LGALS3: variants seen among roughly 807,000 people sequenced by gnomAD.
The protein encoded by LGALS3 is galectin-3.
In LGALS3, 18 loss-of-function variants were observed where a neutral mutation model predicts 20.7. That is an observed-to-expected ratio of 0.87 (90% CI 0.60 to 1.29). The LOEUF is 1.29. LGALS3 is among the 50% of genes most tolerant of loss of function. LGALS3 has a pLI of 0.00. For synonymous variants in LGALS3, 112 were observed against 119.6 expected, an observed-to-expected ratio of 0.94 and a Z score of 0.42; for missense variants, 315 against 314.7, an observed-to-expected ratio of 1.00 and a Z score of -0.01.
At chr14:55,143,414 T>A (rs1003800526) in intron 5 of LGALS3, 4 of 376,702 alleles carry the variant, frequency 1.1e-5, no homozygotes, top group African/African-American at 8.9e-5. Context: ...AGAATATTGT[T>A]ACTTAATAGC....
chr14:55,144,979 G>A, intron 5 of LGALS3, 137 bp from the exon 6 acceptor site: 1 of 680,818 alleles, frequency 1.5e-6, no homozygotes, highest in South Asian at 1.9e-5. Context: ...GAAATTAATG[G>A]ACATTTTTTC....
chr14:55,138,392 T>G (rs750787326), intron 3 of LGALS3, 24 bp downstream of exon 3: 1 of 1,611,504 alleles, frequency 6.2e-7, no homozygotes, highest in Non-Finnish European at 8.5e-7. Flanking sequence ...CCTTCTTTCA[T>G]GTACTTGACA....
At chr14:55,130,090 G>T (rs1329816628) in intron 1 of LGALS3, among the ~76,000 whole-genome samples, 1 of 152,226 alleles carries the variant, frequency 6.6e-6, no homozygotes, top group Non-Finnish European at 1.5e-5. Flanking sequence ...GCCCCTCCCT[G>T]CCCAGACTGT....
chr14:55,141,292 T>C (rs368243982), intron 4 of LGALS3, among the ~76,000 whole-genome samples: 1 of 152,182 alleles, frequency 6.6e-6, no homozygotes, highest in Admixed American at 6.6e-5. Flanking sequence ...AGCACAGAAC[T>C]TCCCCGTACA....
chr14:55,133,322 A>G (rs954520580), intron 1 of LGALS3, among the ~76,000 whole-genome samples: 1 of 152,314 alleles, frequency 6.6e-6, no homozygotes, highest in Admixed American at 6.5e-5. Flanking sequence ...CCTTATGGTG[A>G]GAACACAGTA....
In LGALS3 at chr14:55,145,302, G is replaced by C. The variant is rs1052002263; in HGVS notation, c.*31G>C. ...AAGGGGCAGATTAAAAAAAAAAAAA[G>C]AATCTAAACCTTACATGTGTAAAGG... On this transcript the variant is annotated 3_prime_UTR_variant, in exon 6 of 6. Coordinates refer to ENST00000254301, the MANE Select transcript of LGALS3 (RefSeq NM_002306.4). 2 of 1,542,726 alleles carry C rather than the reference G, an allele frequency of 1.3e-6. No individual in the cohort carries two copies. Among genetic ancestry groups the C allele is most frequent in the Middle Eastern group, 1.7e-4 (1 of 5,722 alleles).
Position 55,139,514 on chromosome 14 carries a change from AC to A in LGALS3, c.343-760del, listed in dbSNP as rs1881543370. ...GGTGGCTCATGCCTGTAATCCCACC[AC>A]TGTGGGAGGCTGAGGCAGGAGGATC... is the stretch of plus-strand genomic sequence containing the variant. On this transcript the variant is annotated intron_variant, in intron 3 of 5. Coordinates refer to ENST00000254301, the MANE Select transcript of LGALS3 (RefSeq NM_002306.4). Among the ~76,000 whole-genome samples the A allele has an allele frequency of 3.9e-5, 6 of 152,280 alleles. 1 individual carries two copies. In the South Asian group the frequency reaches 1.2e-3, roughly 32 times the overall value.
intron 5 of LGALS3, among the ~76,000 whole-genome samples, chr14:55,143,217 G>A (rs1233409630): frequency 6.6e-6 from 1 of 152,106 alleles, no homozygotes; most frequent in African/African-American, 2.4e-5. Context: ...GCAATTCGAT[G>A]AGTATCTTCC....
chr14:55,142,598 T>C lies in LGALS3; in HGVS notation c.446T>C (p.Phe149Ser), dbSNP rs745686908. 20 of 1,613,382 alleles carry C rather than the reference T, an allele frequency of 1.2e-5. No individual in the cohort carries two copies. Among genetic ancestry groups the C allele is most frequent in the Non-Finnish European group, 1.7e-5 (20 of 1,179,378 alleles). Residue 149 changes from phenylalanine to serine, a missense_variant, in exon 5 of 6, where the codon TTC (phenylalanine) becomes TCC (serine). Coordinates refer to ENST00000254301, the MANE Select transcript of LGALS3 (RefSeq NM_002306.4). The stretch of plus-strand genomic sequence containing the variant: ...GTTTAAAACAGAATTGCTTTAGATT[T>C]CCAAAGAGGGAATGATGTTGCCTTC... Reference protein sequence around the residue: ...KPNANRIALDFQRGNDVAFHF... With the variant: ...KPNANRIALDSQRGNDVAFHF...
At chr14:55,141,262 C>G (rs948672689) in intron 4 of LGALS3, among the ~76,000 whole-genome samples, 28 of 152,210 alleles carry the variant, frequency 1.8e-4, no homozygotes, top group African/African-American at 6.3e-4. Flanking sequence ...TCTTTCCACA[C>G]AGCCTAGACA....
chr14:55,140,428 T>A, intron 4 of LGALS3, 65 bp downstream of exon 4: 2 of 1,002,540 alleles, frequency 2.0e-6, no homozygotes, highest in Non-Finnish European at 3.0e-6. Flanking sequence ...AAGAATGGCC[T>A]ACTTTTTTTC....
rs529686496 is a variant in LGALS3 at position 55,130,617 on chromosome 14, C to G, written c.-5+1317C>G. ...TCTTGTTGCCCAGGCTGGAGTGCAA[C>G]GGCACTATCTCGGCTCACCGCAACC... On this transcript the variant is annotated intron_variant, in intron 1 of 5. Coordinates refer to ENST00000254301, the MANE Select transcript of LGALS3 (RefSeq NM_002306.4). 2.0e-5 allele frequency among the ~76,000 whole-genome samples: 3 copies of G among 149,878 alleles called. No homozygotes were observed. The South Asian group carries it at 6.3e-4, about 32-fold the overall frequency.
chr14:55,137,268 T>G, intron 1 of LGALS3, 102 bp from the exon 2 acceptor site: 1 of 1,117,966 alleles, frequency 8.9e-7, no homozygotes, highest in Non-Finnish European at 1.4e-6. Context: ...GCATAATGCC[T>G]AGAGATGGAT....
intron 1 of LGALS3, among the ~76,000 whole-genome samples, chr14:55,132,714 C>T (rs1204284982): frequency 3.3e-5 from 5 of 151,922 alleles, no homozygotes; most frequent in South Asian, 2.1e-4. Context: ...ATTACAGGCG[C>T]CCACCACCAC....
chr14:55,145,013 T>C (rs1313512984), intron 5 of LGALS3, 103 bp from the exon 6 acceptor site: 1 of 908,722 alleles, frequency 1.1e-6, no homozygotes, highest in Non-Finnish European at 1.7e-6. Context: ...TGACAAAAAA[T>C]TGTTTCTATA....
chr14:55,133,130 TTAATTTCA>T (rs1438250970), intron 1 of LGALS3, among the ~76,000 whole-genome samples: 1 of 152,228 alleles, frequency 6.6e-6, no homozygotes, highest in African/African-American at 2.4e-5. Flanking sequence ...AGTCAGAGAA[TTAATTTCA>T]CAATGAAGTA....
chr14:55,139,373 A>G (rs1881537634), intron 3 of LGALS3, among the ~76,000 whole-genome samples: 1 of 152,188 alleles, frequency 6.6e-6, no homozygotes, highest in South Asian at 2.1e-4. Context: ...GGTAGGGAAG[A>G]CCATTCTAGT....
chr14:55,138,641 G>A (rs1881509781), intron 3 of LGALS3, among the ~76,000 whole-genome samples: 2 of 152,098 alleles, frequency 1.3e-5, no homozygotes, highest in South Asian at 2.1e-4. Context: ...TAACACTTAC[G>A]GAGTACATGT....
chr14:55,140,393 CTA>C, intron 4 of LGALS3, 30 bp downstream of exon 4: 1 of 1,409,298 alleles, frequency 7.1e-7, no homozygotes, highest in Non-Finnish European at 1.0e-6. Flanking sequence ...CAAGTCTACT[CTA>C]TTTGTAGATT....
Sources: allele counts gnomAD v4.1 joint callset (sites outside exome capture counted in the v4.1 genomes callset), GRCh38; gene constraint gnomAD v4.1.1; transcripts MANE v1.5; gene names NCBI Gene and HGNC (gene_info 2026-07-23, HGNC 2026-07-21).